The following KRT3 variants were observed in gnomAD, a reference collection of about 807,000 sequenced individuals.
KRT3 encodes keratin, type II cytoskeletal 3.
Under a neutral mutation model 45.8 loss-of-function variants are expected in KRT3, and 34 were observed. The ratio of observed to expected loss-of-function variants is 0.74; its 90% CI spans 0.57 to 0.99. KRT3 has a LOEUF of 0.99. Among genes scored for constraint, KRT3 ranks in the 50% least tolerant of loss-of-function variants. KRT3 has a pLI of 0.00. For synonymous variants in KRT3, 367 were observed against 329.0 expected, an observed-to-expected ratio of 1.12 and a Z score of -1.25; for missense variants, 828 against 820.6, an observed-to-expected ratio of 1.01 and a Z score of -0.11.
intron 5 of KRT3, 66 bp from the exon 6 acceptor site, chr12:52,791,882 C>T (rs1939518122): frequency 6.5e-7 from 1 of 1,538,514 alleles, no homozygotes. Flanking sequence ...ACACCTCCAA[C>T]ATCACCCACC....
intron 3 of KRT3, 35 bp downstream of exon 3, chr12:52,793,128 C>A: frequency 6.3e-7 from 1 of 1,575,826 alleles, no homozygotes; most frequent in Non-Finnish European, 8.7e-7. Context: ...AAACCTGCAG[C>A]TGCAAGCCTC....
At chr12:52,792,446 A>G (rs542937134) in intron 4 of KRT3, 43 bp from the exon 5 acceptor site, 1 of 1,593,062 alleles carries the variant, frequency 6.3e-7, no homozygotes, top group East Asian at 2.2e-5. Context: ...GGGTCCCTGT[A>G]ACAAGCACAC....
In KRT3 at chr12:52,790,056, G is replaced by T. The variant is rs1030115943; in HGVS notation, c.1873C>A (p.Arg625Ser). 4 of 1,539,316 alleles carry T rather than the reference G, an allele frequency of 2.6e-6. No individual in the cohort carries two copies. The highest frequency in any genetic ancestry group is 2.6e-6 in the Non-Finnish European group (3 of 1,146,848). ...ATGCGTGCTCTTTATCTGGAGTAGC[G>T]CTGGGAGGACTGGGAGGACTGGGAG... ...KFSQSSQSSQ[R>S]YSR The change falls in exon 9 of 9, where the codon CGC becomes AGC. Residue 625 changes from arginine to serine, a missense_variant. Coordinates refer to ENST00000417996, the MANE Select transcript of KRT3 (RefSeq NM_057088.3).
Position 52,792,714 on chromosome 12 carries a change from G to T in KRT3, c.1020C>A (p.Asp340Glu), listed in dbSNP as rs150031039. 1.2e-6 allele frequency: 2 copies of T among 1,602,566 alleles called. No individual in the cohort carries two copies. Among genetic ancestry groups the T allele is most frequent in the Non-Finnish European group, 1.7e-6 (2 of 1,169,584 alleles). The change falls in exon 4 of 9, where the codon GAC becomes GAA. Residue 340 changes from aspartate to glutamate, a missense_variant. Coordinates refer to ENST00000417996, the MANE Select transcript of KRT3 (RefSeq NM_057088.3). ...TCTTAGTAGGTAACATCCTTACAGCGTCGTAGAGGGTCCTTAAGAAGTCGA... is the reference window on the plus strand; with the variant it reads ...TCTTAGTAGGTAACATCCTTACAGCTTCGTAGAGGGTCCTTAAGAAGTCGA... ...DEIDFLRTLY[D>E]AELSQMQSHI...
Position 52,795,746 on chromosome 12 carries a change from G to T in KRT3, c.297C>A (p.Ser99Arg), listed in dbSNP as rs148001170. The T allele has an allele frequency of 6.2e-7, 1 of 1,612,794 alleles. No individual in the cohort carries two copies. The highest frequency in any genetic ancestry group is 1.1e-5 in the South Asian group (1 of 91,012). The stretch of plus-strand genomic sequence containing the variant: ...CACCACCAAAGCCACCTCCATAGCC[G>T]CTCCCAAAGCCACCTCCATAGCCAC... Reference protein sequence around the residue: ...FAGGYGGGFGSGYGGGFGGGF... With the variant: ...FAGGYGGGFGRGYGGGFGGGF... The change falls in exon 1 of 9, where the codon AGC becomes AGA. Residue 99 changes from serine to arginine, a missense_variant. Ser to Arg is a moderately radical substitution (Grantham distance 110, BLOSUM62 -1). Coordinates refer to ENST00000417996, the MANE Select transcript of KRT3 (RefSeq NM_057088.3).
chr12:52,790,746 T>C lies in KRT3; in HGVS notation c.1570+92A>G, dbSNP rs1939472485. The C allele has an allele frequency of 6.8e-6, 8 of 1,174,428 alleles. No individual in the cohort carries two copies. The South Asian group carries it at 1.0e-4, about 15-fold the overall frequency. The allele number at this position is 1,174,428 out of a possible 1,614,324, so 72.8% of individuals were successfully genotyped here. A position where few individuals can be genotyped will look rare whatever the true frequency, so the allele number is the denominator to read the frequency against. The stretch of plus-strand genomic sequence containing the variant: ...TCCCAGAAAACCCCTCCAACTTCCG[T>C]AAAAATATGTTTAAATTAGTTGCTA... On this transcript the variant is annotated intron_variant, in intron 8 of 8. Transcript: ENST00000417996.
chr12:52,793,830 G>A (rs576655198), intron 2 of KRT3, among the ~76,000 whole-genome samples: 14 of 152,138 alleles, frequency 9.2e-5, no homozygotes, highest in Admixed American at 1.3e-4. Flanking sequence ...GACCTCAAAT[G>A]ATCTGTCCAC....
chr12:52,795,788 G>C lies in KRT3; in HGVS notation c.255C>G (p.Ser85Arg), dbSNP rs778394515. The C allele has an allele frequency of 6.2e-7, 1 of 1,614,008 alleles. No individual in the cohort carries two copies. The highest frequency in any genetic ancestry group is 8.5e-7 in the Non-Finnish European group (1 of 1,179,904). The part of the protein sequence containing the change: ...SRAGGFGGGR[S>R]SCAFAGGYGG... ...CATAGCCACCTGCAAAGGCACAGCT[G>C]CTCCGCCCTCCCCCAAAGCCTCCAG... Residue 85 changes from serine to arginine, a missense_variant, in exon 1 of 9, where the codon AGC becomes AGG. By Grantham distance (110) the Ser-to-Arg change is moderately radical (BLOSUM62 -1). Coordinates refer to ENST00000417996, the MANE Select transcript of KRT3 (RefSeq NM_057088.3).
At chr12:52,794,860 G>T (rs916800630) in intron 1 of KRT3, among the ~76,000 whole-genome samples, 2 of 152,204 alleles carry the variant, frequency 1.3e-5, no homozygotes, top group Non-Finnish European at 2.9e-5. Flanking sequence ...GAGCACTCTT[G>T]TCTTCCTGAC....
intron 1 of KRT3, 98 bp from the exon 2 acceptor site, chr12:52,794,429 C>T: frequency 1.2e-6 from 1 of 834,372 alleles, no homozygotes; most frequent in Non-Finnish European, 2.0e-6. Context: ...TCCTGGGCCC[C>T]CAGCACAAAG....
At chr12:52,792,541 A>G in intron 4 of KRT3, 138 bp from the exon 5 acceptor site, 1 of 1,001,116 alleles carries the variant, frequency 1.0e-6, no homozygotes, top group Non-Finnish European at 1.6e-6. Context: ...GTCCGCAGCC[A>G]CTCAGAGAAC....
intron 4 of KRT3, 25 bp downstream of exon 4, chr12:52,792,686 C>T: frequency 1.3e-6 from 2 of 1,501,824 alleles, no homozygotes; most frequent in African/African-American, 1.4e-5. Flanking sequence ...TCCCTCTGTC[C>T]CTTCTTAGTA....
intron 8 of KRT3, 140 bp downstream of exon 8, chr12:52,790,698 A>G: frequency 2.4e-6 from 2 of 839,262 alleles, no homozygotes; most frequent in South Asian, 2.9e-5. Context: ...ACAATTACAA[A>G]AGCCAATCAC....
At position 52,795,872 on chromosome 12, in the gene KRT3, G is replaced by A. The variant is rs1183566531; in HGVS notation, c.171C>T (p.Leu57=). ...TGCTCTTGTTGCCGCCCAGGTTGTAGAGGCTGCGACTGCCAAAGCCACCTG... is the reference window on the plus strand; with the variant it reads ...TGCTCTTGTTGCCGCCCAGGTTGTAAAGGCTGCGACTGCCAAAGCCACCTG... ...SGAGGFGSRS[L]YNLGGNKSIS... Residue 57 remains leucine, a synonymous_variant, in exon 1 of 9, where the codon CTC becomes CTT. Coordinates refer to ENST00000417996, the MANE Select transcript of KRT3 (RefSeq NM_057088.3). The A allele has an allele frequency of 6.2e-7, 1 of 1,614,194 alleles. No individual in the cohort carries two copies.
At chr12:52,792,478 T>C in intron 4 of KRT3, 75 bp from the exon 5 acceptor site, 1 of 1,417,404 alleles carries the variant, frequency 7.1e-7, no homozygotes, top group Non-Finnish European at 9.9e-7. Flanking sequence ...AGACTCTTGA[T>C]CAACAGTCTC....
intron 2 of KRT3, among the ~76,000 whole-genome samples, 161 bp from the exon 3 acceptor site, chr12:52,793,384 A>G (rs1356858187): frequency 2.0e-5 from 3 of 152,008 alleles, no homozygotes; most frequent in African/African-American, 4.8e-5. Flanking sequence ...TAGTTGGGGG[A>G]CCAACCAAGT....
In KRT3 at chr12:52,792,713, C is replaced by T. The variant is rs750431445; in HGVS notation, c.1021G>A (p.Ala341Thr). The T allele has an allele frequency of 1.2e-5, 20 of 1,601,200 alleles. No individual in the cohort carries two copies. Among genetic ancestry groups the T allele is most frequent in the Middle Eastern group, 1.7e-4 (1 of 6,044 alleles). Residue 341 changes from alanine (A) to threonine (T), a missense_variant and splice_region_variant, in exon 4 of 9, where the codon GCT (alanine) becomes ACT (threonine). Physicochemically the swap from Ala to Thr is moderately conservative, Grantham distance 58. Coordinates refer to ENST00000417996, the MANE Select transcript of KRT3 (RefSeq NM_057088.3). ...EIDFLRTLYDAELSQMQSHIS... is the reference protein window; with the variant it reads ...EIDFLRTLYDTELSQMQSHIS... ...TTCTTAGTAGGTAACATCCTTACAG[C>T]GTCGTAGAGGGTCCTTAAGAAGTCG...
rs1234886008 is a variant in KRT3 at position 52,791,422 on chromosome 12, G to A, written c.1319C>T (p.Ala440Val). The change falls in exon 7 of 9, where the codon GCC (alanine) becomes GTC (valine). Residue 440 changes from alanine (A) to valine (V), a missense_variant. Ala to Val is a moderately conservative substitution (Grantham distance 64). Transcript: ENST00000417996. Reference protein sequence around the residue: ...AEIEGVKKQNANLQTAIAEAE... With the variant: ...AEIEGVKKQNVNLQTAIAEAE... ...CTCGGCAATGGCCGTCTGCAGGTTG[G>A]CATTCTGGGGCAAGGGAGGTAGGAG... is the stretch of plus-strand genomic sequence containing the variant. 2 of 1,614,040 alleles carry A rather than the reference G, an allele frequency of 1.2e-6. No homozygotes were observed. The highest frequency in any genetic ancestry group is 1.7e-6 in the Non-Finnish European group (2 of 1,179,942).
chr12:52,789,791 G>A lies in KRT3; in HGVS notation c.*251C>T, dbSNP rs150187400. 1 of 607,110 alleles carries A rather than the reference G, an allele frequency of 1.6e-6. No individual in the cohort carries two copies. The highest frequency in any genetic ancestry group is 2.0e-5 in the South Asian group (1 of 50,146). 37.6% of individuals were successfully genotyped at this position (607,110 alleles called of 1,614,324 possible). On this transcript the variant is annotated 3_prime_UTR_variant, in exon 9 of 9. Coordinates refer to ENST00000417996, the MANE Select transcript of KRT3 (RefSeq NM_057088.3). ...ATCCCACCCAGGGAGGGGACTCCGG[G>A]GCAGCAGAAGGTGGCGGCCTAGGCC...
Sources: allele counts gnomAD v4.1 joint callset (sites outside exome capture counted in the v4.1 genomes callset), GRCh38; gene constraint gnomAD v4.1.1; transcripts MANE v1.5; gene names NCBI Gene and HGNC (gene_info 2026-07-23, HGNC 2026-07-21).